The following SAMMSON variants were observed in gnomAD, a reference collection of about 807,000 sequenced individuals.
The protein encoded by SAMMSON is survival associated mitochondrial melanoma specific oncogenic non-coding RNA, also known as long intergenic non-protein coding RNA 1212.
intron 7 of SAMMSON, among the ~76,000 whole-genome samples, chr3:70,323,639 A>AT (rs1258704214): frequency 1.3e-5 from 2 of 152,066 alleles, no homozygotes; most frequent in Admixed American, 6.6e-5. Context: ...CACAAAATAT[A>AT]TTTTTGTGGG....
intron 4 of SAMMSON, among the ~76,000 whole-genome samples, chr3:70,170,688 A>G (rs1700937032): frequency 6.7e-6 from 1 of 149,850 alleles, no homozygotes; most frequent in East Asian, 2.0e-4. Flanking sequence ...ATTGTGAAGG[A>G]CATTGTTAAT....
chr3:70,350,909 G>C (rs534412396), intron 7 of SAMMSON, among the ~76,000 whole-genome samples: 280 of 152,122 alleles, frequency 1.8e-3, no homozygotes, highest in Non-Finnish European at 3.3e-3. Context: ...CAAAAATTTA[G>C]GTAAAAAGCA....
chr3:70,418,472 T>C (rs920303443), intron 2 of SAMMSON, among the ~76,000 whole-genome samples: 1 of 152,344 alleles, frequency 6.6e-6, no homozygotes, highest in Admixed American at 6.5e-5. Context: ...TTTGCTGAAA[T>C]CCAGCCCATC....
At chr3:70,403,048 C>T (rs1575642090) in intron 2 of SAMMSON, among the ~76,000 whole-genome samples, 1 of 152,000 alleles carries the variant, frequency 6.6e-6, no homozygotes, top group African/African-American at 2.4e-5. Flanking sequence ...CACAGATGCC[C>T]ATTTAATAAA....
intron 4 of SAMMSON, among the ~76,000 whole-genome samples, chr3:70,228,806 A>G (rs938486198): frequency 6.6e-6 from 1 of 151,428 alleles, no homozygotes; most frequent in South Asian, 2.1e-4. Context: ...ACCTATTAAG[A>G]TGGATAGCTG....
intron 9 of SAMMSON, among the ~76,000 whole-genome samples, chr3:70,375,287 T>C (rs1703004346): frequency 6.6e-6 from 1 of 152,092 alleles, no homozygotes; most frequent in Admixed American, 6.6e-5. Context: ...GTCTTAGAGG[T>C]GATAGCTTCA....
intron 3 of SAMMSON, chr3:70,065,128 T>A (rs566777640): frequency 7.2e-5 from 11 of 152,010 alleles, no homozygotes; most frequent in Non-Finnish European, 1.6e-4. Context: ...CTTGTTCCAT[T>A]TTTTTATTTT....
chr3:70,395,331 C>CTTTTTTTT (rs71126501), intron 2 of SAMMSON, among the ~76,000 whole-genome samples: 6 of 113,676 alleles, frequency 5.3e-5, no homozygotes, highest in East Asian at 6.0e-4. Context: ...CTCTCTCTCT[C>CTTTTTTTT]TTTTTTTTTT....
intron 4 of SAMMSON, among the ~76,000 whole-genome samples, chr3:70,171,900 A>G (rs1700960525): frequency 6.6e-6 from 1 of 151,944 alleles, no homozygotes; most frequent in African/African-American, 2.4e-5. Context: ...TTCAGCTGAA[A>G]AAGCCTCAAG....
At position 70,162,193 on chromosome 3, in the gene SAMMSON, T is replaced by C. The variant is rs142124617; in HGVS notation, n.508-86914T>C. Reference sequence around the variant, plus strand: ...TTTTGACTGCCTTGGGCTTAATTTCTTCTTCTTTTTCAAGGATCTTAAGAT... The same window carrying C: ...TTTTGACTGCCTTGGGCTTAATTTCCTCTTCTTTTTCAAGGATCTTAAGAT... On this transcript the variant is annotated intron_variant and non_coding_transcript_variant, in intron 4 of 9. Coordinates refer to ENST00000642114, the Ensembl canonical transcript of SAMMSON. 1.7e-3 allele frequency among the ~76,000 whole-genome samples: 255 copies of C among 152,004 alleles called. 7 individuals are homozygous for C. In the East Asian group the frequency reaches 0.046, roughly 27 times the overall value.
intron 7 of SAMMSON, among the ~76,000 whole-genome samples, chr3:70,309,469 A>G (rs534851302): frequency 6.6e-6 from 1 of 152,310 alleles, no homozygotes; most frequent in East Asian, 1.9e-4. Flanking sequence ...ATGAAATCAC[A>G]TTCCCATAAT....
chr3:70,232,332 A>G (rs772134282), intron 4 of SAMMSON, among the ~76,000 whole-genome samples: 2 of 152,104 alleles, frequency 1.3e-5, no homozygotes, highest in Non-Finnish European at 2.9e-5. Context: ...CCTCATGATC[A>G]GTGCACATGT....
At chr3:70,016,727 A>G (rs1037322672) in intron 3 of SAMMSON, among the ~76,000 whole-genome samples, 8 of 152,184 alleles carry the variant, frequency 5.3e-5, no homozygotes, top group African/African-American at 1.9e-4. Flanking sequence ...TAGGTCTAAC[A>G]TGTAAGTCTT....
At chr3:70,167,743 A>AT (rs1253746941) in intron 4 of SAMMSON, among the ~76,000 whole-genome samples, 1 of 151,908 alleles carries the variant, frequency 6.6e-6, no homozygotes, top group East Asian at 1.9e-4. Flanking sequence ...GTCAGCACCA[A>AT]TTGCATTATG....
chr3:70,095,883 A>G (rs955769740), intron 4 of SAMMSON: 3 of 152,166 alleles, frequency 2.0e-5, no homozygotes, highest in African/African-American at 7.2e-5. Flanking sequence ...TTGCATCTCA[A>G]TGCATATCAC....
intron 1 of SAMMSON, among the ~76,000 whole-genome samples, chr3:70,011,028 C>G (rs879220416): frequency 6.6e-6 from 1 of 152,032 alleles, no homozygotes; most frequent in South Asian, 2.1e-4. Context: ...GATTACAATT[C>G]AAGGTGAGAG....
intron 3 of SAMMSON, among the ~76,000 whole-genome samples, chr3:70,024,528 A>G (rs2067029657): frequency 2.0e-5 from 3 of 152,206 alleles, no homozygotes; most frequent in Admixed American, 6.5e-5. Flanking sequence ...GGAGCCAGTA[A>G]GCAGCAAAGC....
rs112303891 is a variant in SAMMSON, at chr3:70,299,996, A to G, written n.739+8753A>G. ...ACATACCCCAGACTTTTCTGCCTCC[A>G]TACCTTGGGCCATCATATTCCATCA... On this transcript the variant is annotated intron_variant and non_coding_transcript_variant, in intron 7 of 9. Transcript: ENST00000642114. Among the ~76,000 whole-genome samples, 25 of 152,222 alleles carry G rather than the reference A, an allele frequency of 1.6e-4. 1 individual carries two copies. The highest frequency in any genetic ancestry group is 5.5e-4 in the African/African-American group (23 of 41,546).
chr3:70,184,843 G>C lies in SAMMSON; in HGVS notation n.508-64264G>C, dbSNP rs149051814. 5.1e-3 allele frequency among the ~76,000 whole-genome samples: 779 copies of C among 152,270 alleles called. 9 individuals carry two copies. Among genetic ancestry groups the C allele is most frequent in the African/African-American group, 0.018 (742 of 41,544 alleles). On this transcript the variant is annotated intron_variant and non_coding_transcript_variant, in intron 4 of 9. Coordinates refer to ENST00000642114, the Ensembl canonical transcript of SAMMSON. Reference sequence around the variant, plus strand: ...TCAGCACACCACATTTTACCTCTCAGGTTGTCAGGTGAAACTAATGGACTG... The same window carrying C: ...TCAGCACACCACATTTTACCTCTCACGTTGTCAGGTGAAACTAATGGACTG...
Sources: gnomAD v4.1 joint callset for allele counts (sites outside exome capture counted in the v4.1 genomes callset) on GRCh38, gnomAD v4.1.1 for gene constraint, MANE v1.5 for transcripts, NCBI Gene and HGNC (gene_info 2026-07-23, HGNC 2026-07-21) for gene names.